The following KSR1 variants were observed in gnomAD, a reference collection of about 807,000 sequenced individuals.
KSR1 encodes kinase suppressor of ras.
In KSR1, 35 loss-of-function variants were observed where a neutral mutation model predicts 92.9. That is an observed-to-expected ratio of 0.38 (90% CI 0.29 to 0.50). The LOEUF is 0.50. Among genes scored for constraint, KSR1 ranks in the 20% least tolerant of loss-of-function variants. KSR1 has a pLI of 0.94. For missense variants in KSR1, 972 were observed against 1,158.5 expected (o/e 0.84, Z 2.34); for synonymous variants, 467 against 472.6 (o/e 0.99, Z 0.15).
intron 1 of KSR1, among the ~76,000 whole-genome samples, chr17:27,545,670 C>CG (rs2071146020): frequency 1.3e-5 from 2 of 152,174 alleles, no homozygotes; most frequent in Admixed American, 6.5e-5. Flanking sequence ...ATCAGAACTG[C>CG]GATATGTGAT....
intron 11 of KSR1, among the ~76,000 whole-genome samples, chr17:27,601,627 A>G (rs1294896557): frequency 1.3e-5 from 2 of 152,212 alleles, no homozygotes; most frequent in Non-Finnish European, 2.9e-5. Flanking sequence ...CCTGGAATCC[A>G]TCCCATCCAG....
At chr17:27,498,357 A>G (rs897477184) in intron 1 of KSR1, among the ~76,000 whole-genome samples, 3 of 151,236 alleles carry the variant, frequency 2.0e-5, no homozygotes, top group Non-Finnish European at 2.9e-5. Flanking sequence ...AAAAAAAAAA[A>G]GGCTCTTGAC....
chr17:27,589,795 G>A (rs975560088), intron 6 of KSR1, among the ~76,000 whole-genome samples: 2 of 152,034 alleles, frequency 1.3e-5, no homozygotes, highest in Non-Finnish European at 2.9e-5. Context: ...TCTACATTTT[G>A]GATTGAAAAT....
At chr17:27,509,834 TG>T (rs2069533845) in intron 1 of KSR1, among the ~76,000 whole-genome samples, 1 of 152,152 alleles carries the variant, frequency 6.6e-6, no homozygotes, top group Non-Finnish European at 1.5e-5. Context: ...AACAAGACCC[TG>T]TCTCAAAAAA....
intron 2 of KSR1, among the ~76,000 whole-genome samples, chr17:27,557,528 C>T (rs138908214): frequency 1.7e-3 from 262 of 152,250 alleles, no homozygotes; most frequent in African/African-American, 5.8e-3. Flanking sequence ...CCATGGTTGA[C>T]CCAGGCAGGA....
At chr17:27,548,357 C>G (rs974383682) in intron 1 of KSR1, among the ~76,000 whole-genome samples, 3 of 152,100 alleles carry the variant, frequency 2.0e-5, no homozygotes, top group Non-Finnish European at 4.4e-5. Context: ...AGCTTTTATT[C>G]TAATTGAAAA....
rs768379592 is a variant in KSR1 at position 27,617,285 on chromosome 17, C to G, written c.2494-10C>G. The stretch of plus-strand genomic sequence containing the variant: ...AGCTCACACACCACTAATGGCAGCT[C>G]CATTTGCAGGAGATCCTGTCGGCCT... On this transcript the variant is annotated splice_polypyrimidine_tract_variant and intron_variant, in intron 18 of 20. Coordinates refer to ENST00000644974, the MANE Select transcript of KSR1 (RefSeq NM_001394583.1). 1 of 1,602,518 alleles carries G rather than the reference C, an allele frequency of 6.2e-7. No individual in the cohort carries two copies. Among genetic ancestry groups the G allele is most frequent in the South Asian group, 1.1e-5 (1 of 90,054 alleles).
rs1303894170 is a variant in KSR1, at chr17:27,459,209, G to A, written c.231+2335G>A. Reference sequence around the variant, plus strand: ...GCTCTCCTGTCTGTAAAATAGGAACGAGACTGCTCACACCTGCAGCATTTT... The same window carrying A: ...GCTCTCCTGTCTGTAAAATAGGAACAAGACTGCTCACACCTGCAGCATTTT... On this transcript the variant is annotated intron_variant, in intron 1 of 20. Transcript: ENST00000644974. The surrounding 1 kb of genome is among the most constrained non-coding windows in gnomAD (Gnocchi z 4.6). 1.3e-5 allele frequency among the ~76,000 whole-genome samples: 2 copies of A among 152,174 alleles called. No individual in the cohort carries two copies. Among genetic ancestry groups the A allele is most frequent in the South Asian group, 2.1e-4 (1 of 4,824 alleles).
chr17:27,534,463 C>T (rs990279961), intron 1 of KSR1, among the ~76,000 whole-genome samples: 9 of 152,218 alleles, frequency 5.9e-5, no homozygotes, highest in African/African-American at 2.2e-4. Context: ...AGACATCCCC[C>T]TCTTCCCCCA....
chr17:27,536,254 CTGCT>C (rs2070746879), intron 1 of KSR1, among the ~76,000 whole-genome samples: 1 of 152,174 alleles, frequency 6.6e-6, no homozygotes, highest in Non-Finnish European at 1.5e-5. Context: ...AAACAGGGCT[CTGCT>C]TGGGTGGCTC....
At position 27,456,721 on chromosome 17, in the gene KSR1, GGA is replaced by G; in HGVS notation, c.80_81del (p.Glu27GlyfsTer59). ...GGGGGDAAAA[E>X]GGAGAAASRA... Reference sequence around the variant, plus strand: ...GTGGCGGGGGGGATGCGGCGGCCGCGGAGGGAGGCGCAGGGGCCGCGGCCAGC... The same window carrying G: ...GTGGCGGGGGGGATGCGGCGGCCGCGGGGAGGCGCAGGGGCCGCGGCCAGC... On this transcript the variant is annotated frameshift_variant, in exon 1 of 21. Transcript: ENST00000644974. LOFTEE classifies it high-confidence loss of function. 1 of 1,161,300 alleles carries G rather than the reference GGA, an allele frequency of 8.6e-7. No individual in the cohort carries two copies. The highest frequency in any genetic ancestry group is 1.3e-6 in the Non-Finnish European group (1 of 793,768). 71.9% of individuals were successfully genotyped at this position (1,161,300 alleles called of 1,614,324 possible).
intron 1 of KSR1, among the ~76,000 whole-genome samples, chr17:27,470,760 G>T (rs1300812014): frequency 6.6e-6 from 1 of 152,074 alleles, no homozygotes. Flanking sequence ...AATTCTTTCT[G>T]ACCTTTGTAC....
intron 1 of KSR1, among the ~76,000 whole-genome samples, chr17:27,504,781 G>A (rs1476975375): frequency 2.0e-5 from 3 of 152,192 alleles, no homozygotes; most frequent in Non-Finnish European, 4.4e-5. Context: ...GTGCACTGAA[G>A]GCTCATGAAT....
chr17:27,497,089 T>C (rs2069014286), intron 1 of KSR1, among the ~76,000 whole-genome samples: 1 of 152,232 alleles, frequency 6.6e-6, no homozygotes, highest in African/African-American at 2.4e-5. Context: ...GAGCTGCTCA[T>C]TAAAGTCAGC....
chr17:27,585,137 A>G (rs770748261), intron 4 of KSR1, among the ~76,000 whole-genome samples: 1 of 152,006 alleles, frequency 6.6e-6, no homozygotes, highest in Non-Finnish European at 1.5e-5. Context: ...AGGTTTCATC[A>G]CCTTGGCCAG....
At position 27,583,096 on chromosome 17, in the gene KSR1, C is replaced by G. The variant is rs748546370; in HGVS notation, c.971C>G (p.Ser324Cys). ...CTGGGGAACCGCATTGATGACGTCT[C>G]CTCGATGAGGTGAGTGCTCCTTCTG... is the stretch of plus-strand genomic sequence containing the variant. ...SQLGNRIDDV[S>C]SMRFDLSHGS... The change falls in exon 4 of 21, where the codon TCC becomes TGC. Residue 324 changes from serine to cysteine, a missense_variant. Ser to Cys is a moderately radical substitution (Grantham distance 112, BLOSUM62 -1). Transcript: ENST00000644974. 1 of 1,555,382 alleles carries G rather than the reference C, an allele frequency of 6.4e-7. No homozygotes were observed. Among genetic ancestry groups the G allele is most frequent in the South Asian group, 1.2e-5 (1 of 81,484 alleles).
Position 27,623,379 on chromosome 17 carries a change from A to T in KSR1, c.2774A>T (p.Asn925Ile). 1 of 764,916 alleles carries T rather than the reference A, an allele frequency of 1.3e-6. No homozygotes were observed. Among genetic ancestry groups the T allele is most frequent in the Non-Finnish European group, 2.4e-6 (1 of 417,774 alleles). The allele number at this position is 764,916 out of a possible 1,614,324, so 47.4% of individuals were successfully genotyped here. A position where few individuals can be genotyped will look rare whatever the true frequency, so the allele number is the denominator to read the frequency against. The part of the protein sequence containing the change: ...RFGLGVLESS[N>I]PKM ...GGCTTGGGCGTCCTGGAGTCCAGTAATCCAAAGATGTAGCCAGCCATATGG... is the reference window on the plus strand; with the variant it reads ...GGCTTGGGCGTCCTGGAGTCCAGTATTCCAAAGATGTAGCCAGCCATATGG... The change falls in exon 21 of 21, where the codon AAT becomes ATT. Residue 925 changes from asparagine (N) to isoleucine (I), a missense_variant. Coordinates refer to ENST00000644974, the MANE Select transcript of KSR1 (RefSeq NM_001394583.1).
chr17:27,488,083 A>G (rs1047186446), intron 1 of KSR1, among the ~76,000 whole-genome samples: 3 of 152,228 alleles, frequency 2.0e-5, no homozygotes, highest in Non-Finnish European at 4.4e-5. Flanking sequence ...AGAGGCATTC[A>G]TAACAGCTTT....
chr17:27,546,111 T>C (rs2071163213), intron 1 of KSR1, among the ~76,000 whole-genome samples: 1 of 152,144 alleles, frequency 6.6e-6, no homozygotes, highest in African/African-American at 2.4e-5. Flanking sequence ...TTTGAAGTGG[T>C]GGTTTCAGAG....
Sources: gnomAD v4.1 joint callset for allele counts (sites outside exome capture counted in the v4.1 genomes callset) on GRCh38, gnomAD v4.1.1 for gene constraint, Gnocchi (gnomAD v3.1) non-coding constraint, MANE v1.5 for transcripts, NCBI Gene and HGNC (gene_info 2026-07-23, HGNC 2026-07-21) for gene names.